GNAO1: variants seen among roughly 807,000 people sequenced by gnomAD.
GNAO1 encodes G protein subunit alpha o1.
For missense variants in GNAO1, 166 were observed against 478.7 expected, an observed-to-expected ratio of 0.35 and a Z score of 6.10; for synonymous variants, 164 against 180.7, an observed-to-expected ratio of 0.91 and a Z score of 0.74.
At chr16:56,192,468 C>A (rs1396726087) in intron 1 of GNAO1, 106 bp from the exon 2 acceptor site, 2 of 939,792 alleles carry the variant, frequency 2.1e-6, no homozygotes, top group Admixed American at 1.7e-5. Context: ...TTGGCACCAC[C>A]ATGTGCCCAG....
At chr16:56,230,204 C>G (rs1309344840) in intron 2 of GNAO1, among the ~76,000 whole-genome samples, 1 of 152,162 alleles carries the variant, frequency 6.6e-6, no homozygotes, top group Non-Finnish European at 1.5e-5. Context: ...TTCTGTGCAC[C>G]TACGAGCTGC....
intron 2 of GNAO1, among the ~76,000 whole-genome samples, chr16:56,232,754 A>C (rs1483572985): frequency 6.6e-6 from 1 of 152,188 alleles, no homozygotes; most frequent in African/African-American, 2.4e-5. Context: ...TGGAAAAAAA[A>C]CATGACATAT....
At chr16:56,196,887 G>C (rs1331028889) in intron 2 of GNAO1, among the ~76,000 whole-genome samples, 1 of 152,206 alleles carries the variant, frequency 6.6e-6, no homozygotes. Flanking sequence ...TGACAAGTGG[G>C]ATGTGATTCA....
intron 2 of GNAO1, among the ~76,000 whole-genome samples, chr16:56,207,860 A>G (rs1277255361): frequency 6.6e-6 from 1 of 152,218 alleles, no homozygotes; most frequent in African/African-American, 2.4e-5. Context: ...TTAATCTTAT[A>G]TGTTTTACAG....
intron 2 of GNAO1, among the ~76,000 whole-genome samples, chr16:56,202,833 T>C (rs2036292519): frequency 6.6e-6 from 1 of 152,244 alleles, no homozygotes. Context: ...ATTTATCTAA[T>C]ATTTGTCTCA....
At chr16:56,230,317 G>A (rs2036577703) in intron 2 of GNAO1, among the ~76,000 whole-genome samples, 1 of 152,150 alleles carries the variant, frequency 6.6e-6, no homozygotes, top group East Asian at 1.9e-4. Context: ...TGCAAACACA[G>A]CTTGTCCAGA....
At chr16:56,350,274 C>T (rs1167563740) in intron 6 of GNAO1, among the ~76,000 whole-genome samples, 1 of 152,164 alleles carries the variant, frequency 6.6e-6, no homozygotes, top group Non-Finnish European at 1.5e-5. Context: ...TAGAGTTTAG[C>T]CTGGTTCACC....
At chr16:56,338,405 C>A (rs942956548) in intron 6 of GNAO1, among the ~76,000 whole-genome samples, 8 of 152,350 alleles carry the variant, frequency 5.3e-5, no homozygotes, top group Admixed American at 5.2e-4. Context: ...GACTCACTGA[C>A]CACCCAAAGC....
At chr16:56,344,709 G>C (rs564075566) in intron 6 of GNAO1, 66 of 985,482 alleles carry the variant, frequency 6.7e-5, no homozygotes, top group Non-Finnish European at 7.2e-5. Context: ...ACCTGGGCTG[G>C]GGCCTCCCGC....
At chr16:56,337,265 C>T (rs547809120) in intron 6 of GNAO1, among the ~76,000 whole-genome samples, 2 of 152,196 alleles carry the variant, frequency 1.3e-5, no homozygotes, top group Non-Finnish European at 2.9e-5. Context: ...GGGGCACTGG[C>T]GTCAGATGCT....
chr16:56,297,239 C>A (rs1034227306), intron 3 of GNAO1, among the ~76,000 whole-genome samples: 3 of 152,138 alleles, frequency 2.0e-5, no homozygotes, highest in Non-Finnish European at 4.4e-5. Flanking sequence ...CTCTAACATT[C>A]GTATCTGGTG....
chr16:56,333,724 G>T (rs2037714140), intron 4 of GNAO1, among the ~76,000 whole-genome samples: 1 of 152,256 alleles, frequency 6.6e-6, no homozygotes, highest in East Asian at 1.9e-4. Context: ...GGTAACTGCA[G>T]GTCCAGCCAG....
intron 2 of GNAO1, among the ~76,000 whole-genome samples, chr16:56,221,365 T>C (rs2036485913): frequency 6.6e-6 from 1 of 152,088 alleles, no homozygotes; most frequent in Non-Finnish European, 1.5e-5. Flanking sequence ...GAAGAAGTCA[T>C]GGGGCCAGGT....
At chr16:56,349,272 TGGA>T (rs1424910495) in intron 6 of GNAO1, among the ~76,000 whole-genome samples, 2 of 152,164 alleles carry the variant, frequency 1.3e-5, no homozygotes, top group Non-Finnish European at 2.9e-5. Flanking sequence ...AGATGTGCAG[TGGA>T]GGAGGGAGCT....
chr16:56,257,830 A>G (rs2036867027), intron 2 of GNAO1, among the ~76,000 whole-genome samples: 1 of 152,234 alleles, frequency 6.6e-6, no homozygotes, highest in Non-Finnish European at 1.5e-5. Flanking sequence ...GCAGGCTGGT[A>G]GACTGAGGGC....
At chr16:56,245,892 A>G (rs2036739350) in intron 2 of GNAO1, among the ~76,000 whole-genome samples, 1 of 152,124 alleles carries the variant, frequency 6.6e-6, no homozygotes, top group Non-Finnish European at 1.5e-5. Flanking sequence ...GCCTTTTAGG[A>G]GAGACTAATG....
At chr16:56,329,842 A>T (rs1282209595) in intron 4 of GNAO1, among the ~76,000 whole-genome samples, 1 of 151,768 alleles carries the variant, frequency 6.6e-6, no homozygotes, top group East Asian at 2.0e-4. Flanking sequence ...TGATGGCTGC[A>T]GCTAGAGTGG....
intron 3 of GNAO1, among the ~76,000 whole-genome samples, chr16:56,278,061 G>A (rs1275384038): frequency 3.3e-5 from 5 of 152,008 alleles, no homozygotes; most frequent in African/African-American, 7.3e-5. Flanking sequence ...ACTATGATAC[G>A]TTAAGGACTG....
chr16:56,246,662 G>T (rs1439851620), intron 2 of GNAO1, among the ~76,000 whole-genome samples: 1 of 152,078 alleles, frequency 6.6e-6, no homozygotes, highest in Admixed American at 6.5e-5. Context: ...TCCCCACAGC[G>T]CCCTGCTGTG....
Sources: allele counts gnomAD v4.1 joint callset (sites outside exome capture counted in the v4.1 genomes callset), GRCh38; gene constraint gnomAD v4.1.1; transcripts MANE v1.5; gene names NCBI Gene and HGNC (gene_info 2026-07-23, HGNC 2026-07-21).